The following CRTAC1 variants were observed in gnomAD, a reference collection of about 807,000 sequenced individuals.
CRTAC1 encodes acidic secreted protein in cartilage.
In CRTAC1, 37 loss-of-function variants were observed where a neutral mutation model predicts 67.8. The observed-to-expected ratio is 0.55, with a 90% confidence interval of 0.42 to 0.72. CRTAC1 has a LOEUF of 0.72. CRTAC1 is among the 30% of genes least tolerant of loss of function. The probability of loss-of-function intolerance (pLI) is 0.00; values close to 1 mark genes in which losing one functional copy is unlikely to be tolerated. For missense variants in CRTAC1, 780 were observed against 931.6 expected (o/e 0.84, Z 2.12); for synonymous variants, 348 against 371.0 (o/e 0.94, Z 0.71).
intron 2 of CRTAC1, among the ~76,000 whole-genome samples, chr10:97,966,885 A>C (rs138200795): frequency 6.6e-6 from 1 of 151,998 alleles, no homozygotes; most frequent in African/African-American, 2.4e-5. Context: ...TGCCATTTTC[A>C]TCTCATCATA....
intron 2 of CRTAC1, among the ~76,000 whole-genome samples, chr10:97,996,560 C>T (rs1160832439): frequency 6.6e-6 from 1 of 152,062 alleles, no homozygotes; most frequent in East Asian, 1.9e-4. Context: ...GTTAGAATGG[C>T]AATCATTAAA....
At chr10:97,942,694 T>C (rs2051193847) in intron 2 of CRTAC1, among the ~76,000 whole-genome samples, 1 of 151,520 alleles carries the variant, frequency 6.6e-6, no homozygotes, top group African/African-American at 2.4e-5. Flanking sequence ...ATTTGAAAGA[T>C]ACAGAAAATA....
intron 11 of CRTAC1, among the ~76,000 whole-genome samples, chr10:97,889,023 C>G (rs191891857): frequency 6.6e-6 from 1 of 151,746 alleles, no homozygotes; most frequent in Admixed American, 6.6e-5. Flanking sequence ...TCAGCCGGCT[C>G]GGAGAGGCAG....
intron 3 of CRTAC1, 86 bp downstream of exon 3, chr10:97,936,084 G>A (rs2051081828): frequency 3.0e-6 from 4 of 1,312,658 alleles, no homozygotes; most frequent in Non-Finnish European, 4.2e-6. Flanking sequence ...GCCTGAGGAA[G>A]GGCCAGGGTT....
chr10:97,978,974 G>A (rs975793678), intron 2 of CRTAC1, among the ~76,000 whole-genome samples: 3 of 152,152 alleles, frequency 2.0e-5, no homozygotes, highest in Non-Finnish European at 4.4e-5. Context: ...TCACACTGCT[G>A]TCTGGAATTG....
At chr10:97,966,607 A>T (rs1373001296) in intron 2 of CRTAC1, among the ~76,000 whole-genome samples, 1 of 152,190 alleles carries the variant, frequency 6.6e-6, no homozygotes, top group Non-Finnish European at 1.5e-5. Context: ...TCCACACTTC[A>T]TTCAGATTTC....
At chr10:98,004,608 T>G (rs1842749173) in intron 2 of CRTAC1, among the ~76,000 whole-genome samples, 2 of 152,168 alleles carry the variant, frequency 1.3e-5, no homozygotes, top group Non-Finnish European at 2.9e-5. Flanking sequence ...TGTAAGGATG[T>G]ACATGCAGTG....
At chr10:97,980,120 T>C (rs1219511379) in intron 2 of CRTAC1, among the ~76,000 whole-genome samples, 1 of 152,208 alleles carries the variant, frequency 6.6e-6, no homozygotes, top group Non-Finnish European at 1.5e-5. Context: ...TGTTTGCTCA[T>C]TCATAAAATG....
chr10:97,925,704 G>C (rs2050904264), intron 3 of CRTAC1, among the ~76,000 whole-genome samples: 1 of 143,000 alleles, frequency 7.0e-6, no homozygotes, highest in African/African-American at 2.6e-5. Context: ...GTGTGTGGGG[G>C]GATGAGTGAG....
At chr10:98,010,759 T>G (rs1842889450) in intron 2 of CRTAC1, among the ~76,000 whole-genome samples, 1 of 152,214 alleles carries the variant, frequency 6.6e-6, no homozygotes, top group South Asian at 2.1e-4. Context: ...ATTGTCACCC[T>G]TAAGCCCTTC....
At chr10:97,961,664 T>C (rs1219264537) in intron 2 of CRTAC1, among the ~76,000 whole-genome samples, 1 of 152,170 alleles carries the variant, frequency 6.6e-6, no homozygotes, top group Non-Finnish European at 1.5e-5. Flanking sequence ...CACTCTTTTC[T>C]AGTTCTTTCT....
At chr10:97,888,739 C>T (rs1037260919) in intron 11 of CRTAC1, among the ~76,000 whole-genome samples, 2 of 152,084 alleles carry the variant, frequency 1.3e-5, no homozygotes, top group Non-Finnish European at 2.9e-5. Flanking sequence ...ACACCAGCAG[C>T]CTCGAAGCCA....
intron 2 of CRTAC1, among the ~76,000 whole-genome samples, chr10:97,943,960 C>G (rs1479298948): frequency 6.6e-6 from 1 of 152,202 alleles, no homozygotes; most frequent in East Asian, 1.9e-4. Context: ...ATCATAACAA[C>G]AAAAAATTAG....
intron 2 of CRTAC1, among the ~76,000 whole-genome samples, chr10:97,999,195 C>A (rs1842641771): frequency 6.6e-6 from 1 of 152,208 alleles, no homozygotes; most frequent in African/African-American, 2.4e-5. Flanking sequence ...GACTCCCACG[C>A]AGGGGAGAAG....
chr10:97,923,308 C>T lies in CRTAC1; in HGVS notation c.514G>A (p.Ala172Thr). The change falls in exon 4 of 15, where the codon GCC (alanine) becomes ACC (threonine). Residue 172 changes from alanine (A) to threonine (T), a missense_variant. Physicochemically the swap from Ala to Thr is moderately conservative, Grantham distance 58. Coordinates refer to ENST00000370597, the MANE Select transcript of CRTAC1 (RefSeq NM_018058.7). The stretch of plus-strand genomic sequence containing the variant: ...ACAGAGCGTCCGGCAAAGAGGCTGG[C>T]CACACCACGGGCCACGTTGACCTCA... ...SDEVNVARGV[A>T]SLFAGRSVAC... 1 of 1,614,154 alleles carries T rather than the reference C, an allele frequency of 6.2e-7. No individual in the cohort carries two copies. The highest frequency in any genetic ancestry group is 8.5e-7 in the Non-Finnish European group (1 of 1,180,044).
intron 3 of CRTAC1, among the ~76,000 whole-genome samples, chr10:97,928,312 C>T (rs1278224838): frequency 6.6e-6 from 1 of 152,168 alleles, no homozygotes; most frequent in Non-Finnish European, 1.5e-5. Flanking sequence ...CCAGGTGCTA[C>T]ACCAGATGCC....
chr10:97,948,321 C>G (rs555928977), intron 2 of CRTAC1, among the ~76,000 whole-genome samples: 1 of 152,084 alleles, frequency 6.6e-6, no homozygotes, highest in Non-Finnish European at 1.5e-5. Context: ...AATTTGGAAG[C>G]CACTGATAAC....
intron 2 of CRTAC1, among the ~76,000 whole-genome samples, chr10:98,001,997 C>G (rs1320444539): frequency 1.3e-5 from 2 of 152,174 alleles, no homozygotes; most frequent in Non-Finnish European, 2.9e-5. Flanking sequence ...AAGAGCAGGG[C>G]AAGAATGAGG....
chr10:98,012,522 T>C (rs1719544763), intron 1 of CRTAC1, among the ~76,000 whole-genome samples: 1 of 150,578 alleles, frequency 6.6e-6, no homozygotes, highest in South Asian at 2.1e-4. Context: ...GATGGAACTT[T>C]TCCTGCTGGC....
Sources: allele counts gnomAD v4.1 joint callset (sites outside exome capture counted in the v4.1 genomes callset), GRCh38; gene constraint gnomAD v4.1.1; transcripts MANE v1.5; gene names NCBI Gene and HGNC (gene_info 2026-07-23, HGNC 2026-07-21).